Variants in GLIS3 observed in about 807,000 individuals in gnomAD.
GLIS3 encodes GLIS family zinc finger 3.
Under a neutral mutation model 78.6 loss-of-function variants are expected in GLIS3, and 53 were observed. That is an observed-to-expected ratio of 0.67 (90% CI 0.54 to 0.85). The LOEUF (loss-of-function observed/expected upper bound fraction) is 0.85. Ranked by LOEUF, GLIS3 falls within the 40% of genes least tolerant of loss-of-function variation. GLIS3 has a pLI of 0.00. For missense variants in GLIS3, 1,703 were observed against 1,231.1 expected, an observed-to-expected ratio of 1.38 and a Z score of -5.74; for synonymous variants, 684 against 509.9, an observed-to-expected ratio of 1.34 and a Z score of -4.60.
the GLIS3 span, among the ~76,000 whole-genome samples, chr9:4,408,698 G>T: frequency 8.4e-6 from 1 of 119,502 alleles, no homozygotes; most frequent in Non-Finnish European, 1.6e-5. Flanking sequence ...CCGCACTCCA[G>T]CCTGGGCAAC....
chr9:4,371,752 C>T, the GLIS3 span, among the ~76,000 whole-genome samples: 1 of 152,214 alleles, frequency 6.6e-6, no homozygotes, highest in Admixed American at 6.5e-5. Context: ...TTCTCTTAGG[C>T]TTTAAAGTGG....
chr9:3,952,396 T>C (rs969347348), intron 4 of GLIS3, among the ~76,000 whole-genome samples: 13 of 152,164 alleles, frequency 8.5e-5, no homozygotes, highest in African/African-American at 3.1e-4. Context: ...CACTCTCTGA[T>C]GTCTGATCCC....
chr9:4,087,118 C>G (rs1829098060), intron 4 of GLIS3, among the ~76,000 whole-genome samples: 1 of 151,968 alleles, frequency 6.6e-6, no homozygotes, highest in African/African-American at 2.4e-5. Flanking sequence ...TGTTTGCAGC[C>G]AATAAATCAT....
intron 2 of GLIS3, among the ~76,000 whole-genome samples, chr9:4,282,626 G>A (rs779972930): frequency 6.6e-6 from 1 of 152,074 alleles, no homozygotes; most frequent in Non-Finnish European, 1.5e-5. Flanking sequence ...TTCAGACTCA[G>A]ACTGCAATGA....
intron 2 of GLIS3, chr9:4,150,959 G>A (rs1564121726): frequency 6.6e-6 from 1 of 152,172 alleles, no homozygotes. Context: ...AGTTAAAAAT[G>A]TCTTTTGCCT....
At chr9:4,422,251 T>G in the GLIS3 span, among the ~76,000 whole-genome samples, 3 of 152,256 alleles carry the variant, frequency 2.0e-5, no homozygotes, top group African/African-American at 7.2e-5. Flanking sequence ...TGTGTTTTAT[T>G]TTATGCATTG....
Position 4,010,049 on chromosome 9 carries a change from C to T in GLIS3, c.1711-72860G>A, listed in dbSNP as rs1027091051. ...CTTCATTGTGGCGGGGGGCCAGTAT[C>T]CCTGGCCTCTCCTCACTAGACTCTA... On this transcript the variant is annotated intron_variant, in intron 4 of 10. Transcript: ENST00000381971. Among the ~76,000 whole-genome samples, 5 of 151,928 alleles carry T rather than the reference C, an allele frequency of 3.3e-5. No individual in the cohort carries two copies. The East Asian group carries it at 9.6e-4, about 29-fold the overall frequency.
intron 9 of GLIS3, among the ~76,000 whole-genome samples, chr9:3,833,333 T>A (rs1344312231): frequency 6.6e-6 from 1 of 152,206 alleles, no homozygotes; most frequent in Non-Finnish European, 1.5e-5. Context: ...TTCCCAGCAC[T>A]ATTTTCACAA....
At chr9:4,431,580 C>T in the GLIS3 span, among the ~76,000 whole-genome samples, 7 of 152,302 alleles carry the variant, frequency 4.6e-5, no homozygotes, top group East Asian at 7.7e-4. Flanking sequence ...CATGGTGCCT[C>T]ATGCCTGTAA....
At chr9:4,382,730 A>G in the GLIS3 span, among the ~76,000 whole-genome samples, 75 of 152,298 alleles carry the variant, frequency 4.9e-4, no homozygotes, top group East Asian at 0.014. Flanking sequence ...GCATCTATAT[A>G]TATTTTAATA....
chr9:4,038,561 T>G lies in GLIS3; in HGVS notation c.1710+79207A>C, dbSNP rs377031513. ...CCTCAACAGGCCACTTTATCCTGAT[T>G]AAAAGGAAAAGGAATTTCCCAGGCA... On this transcript the variant is annotated intron_variant, in intron 4 of 10. Coordinates refer to ENST00000381971, the MANE Select transcript of GLIS3 (RefSeq NM_001042413.2). 2.6e-5 allele frequency among the ~76,000 whole-genome samples: 4 copies of G among 152,158 alleles called. No homozygotes were observed. In the East Asian group the frequency reaches 7.7e-4, roughly 29 times the overall value.
At chr9:4,082,443 T>G (rs1184621675) in intron 4 of GLIS3, among the ~76,000 whole-genome samples, 1 of 152,234 alleles carries the variant, frequency 6.6e-6, no homozygotes, top group African/African-American at 2.4e-5. Context: ...TACATCTTCA[T>G]TTGAAATGGG....
At chr9:4,413,311 C>T in the GLIS3 span, among the ~76,000 whole-genome samples, 617 of 152,242 alleles carry the variant, frequency 4.1e-3, 2 homozygotes, top group Non-Finnish European at 6.3e-3. Context: ...TAAATCACAC[C>T]ATTGTGTTTA....
At chr9:4,153,256 T>A (rs1834813621) in intron 2 of GLIS3, among the ~76,000 whole-genome samples, 1 of 152,120 alleles carries the variant, frequency 6.6e-6, no homozygotes, top group Non-Finnish European at 1.5e-5. Flanking sequence ...GTACTAATAA[T>A]CAAAAATATG....
At chr9:4,353,779 A>C in the GLIS3 span, among the ~76,000 whole-genome samples, 11 of 152,118 alleles carry the variant, frequency 7.2e-5, 1 homozygote, top group South Asian at 1.2e-3. Context: ...GTTCTGAATT[A>C]TATGTGTTGA....
the GLIS3 span, among the ~76,000 whole-genome samples, chr9:4,423,282 C>T: frequency 6.6e-6 from 1 of 152,142 alleles, no homozygotes; most frequent in East Asian, 1.9e-4. Context: ...TTTCAGGGAG[C>T]TGAAGCTGAA....
At chr9:4,297,856 C>G (rs576925026) in intron 1 of GLIS3, among the ~76,000 whole-genome samples, 1 of 152,256 alleles carries the variant, frequency 6.6e-6, no homozygotes, top group East Asian at 1.9e-4. Flanking sequence ...GCGCGTAGGA[C>G]AAGGCAGGAG....
the GLIS3 span, among the ~76,000 whole-genome samples, chr9:4,441,302 C>T: frequency 6.6e-6 from 1 of 152,122 alleles, no homozygotes; most frequent in African/African-American, 2.4e-5. Flanking sequence ...TCATACATGG[C>T]TTTTATTGTG....
intron 4 of GLIS3, among the ~76,000 whole-genome samples, chr9:4,079,349 G>A (rs1828350264): frequency 6.6e-6 from 1 of 152,114 alleles, no homozygotes; most frequent in Non-Finnish European, 1.5e-5. Context: ...GGCAAACTAG[G>A]AAAAAGACTG....
Sources: allele counts gnomAD v4.1 joint callset (sites outside exome capture counted in the v4.1 genomes callset), GRCh38; gene constraint gnomAD v4.1.1; transcripts MANE v1.5; gene names NCBI Gene and HGNC (gene_info 2026-07-23, HGNC 2026-07-21).